The following PBX1 variants were observed in gnomAD, a reference collection of about 807,000 sequenced individuals.
PBX1 encodes the protein pre-B-cell leukemia transcription factor 1.
Under a neutral mutation model 53.4 loss-of-function variants are expected in PBX1, and 6 were observed. The observed-to-expected ratio is 0.11, with a 90% CI of 0.06 to 0.22. The LOEUF is 0.22. PBX1 is among the 10% of genes least tolerant of loss of function. The probability of loss-of-function intolerance (pLI) is 1.00; values close to 1 mark genes in which losing one functional copy is unlikely to be tolerated. For missense variants in PBX1, 251 were observed against 551.4 expected, an observed-to-expected ratio of 0.46 and a Z score of 5.46; for synonymous variants, 204 against 212.3, an observed-to-expected ratio of 0.96 and a Z score of 0.34.
intron 2 of PBX1, among the ~76,000 whole-genome samples, chr1:164,623,353 G>A (rs1304371954): frequency 1.3e-5 from 2 of 152,208 alleles, no homozygotes; most frequent in Admixed American, 6.5e-5. Context: ...AGGGCGTGGT[G>A]TGGGAATGGG....
At chr1:164,658,786 G>A (rs900609033) in intron 2 of PBX1, among the ~76,000 whole-genome samples, 2 of 152,204 alleles carry the variant, frequency 1.3e-5, no homozygotes, top group Admixed American at 1.3e-4. Flanking sequence ...GTGCATGCCA[G>A]ATACTGTTAT....
At chr1:164,753,820 G>A (rs1244431921) in intron 2 of PBX1, among the ~76,000 whole-genome samples, 1 of 152,106 alleles carries the variant, frequency 6.6e-6, no homozygotes, top group African/African-American at 2.4e-5. Flanking sequence ...TTTGGGCCCC[G>A]GCAGTTTCCC....
rs574505986 is a variant in PBX1, at chr1:164,824,481, A to G, written c.1200+2855A>G. 2.6e-5 allele frequency among the ~76,000 whole-genome samples: 4 copies of G among 152,312 alleles called. No individual in the cohort carries two copies. In the East Asian group the frequency reaches 7.7e-4, roughly 29 times the overall value. On this transcript the variant is annotated intron_variant, in intron 8 of 8. Transcript: ENST00000420696. ...GCAAAGCATAAATTATTCCACATGA[A>G]TGCAGTATGAAATTTTGTAAGTGAT... is the stretch of plus-strand genomic sequence containing the variant.
At chr1:164,838,514 C>T (rs1671149101) in intron 8 of PBX1, among the ~76,000 whole-genome samples, 2 of 152,180 alleles carry the variant, frequency 1.3e-5, no homozygotes, top group African/African-American at 4.8e-5. Context: ...CTGAAGAGCA[C>T]AAGTCACCTG....
chr1:164,859,733 C>T (rs2102440908), intron 2 of PBX1, among the ~76,000 whole-genome samples: 1 of 152,278 alleles, frequency 6.6e-6, no homozygotes, highest in Non-Finnish European at 1.5e-5. Flanking sequence ...TACTGGCCAC[C>T]TCCTATGTGC....
chr1:164,820,314 C>G (rs985185470), intron 7 of PBX1, 130 bp downstream of exon 7: 3 of 586,042 alleles, frequency 5.1e-6, no homozygotes, highest in Admixed American at 3.1e-5. Context: ...TACCAACGAC[C>G]GAACCAAAAT....
chr1:164,568,635 A>G (rs1271615274), intron 2 of PBX1, among the ~76,000 whole-genome samples: 2 of 152,258 alleles, frequency 1.3e-5, no homozygotes, highest in African/African-American at 4.8e-5. Flanking sequence ...TTTCTATAAT[A>G]AATTATCTCA....
intron 2 of PBX1, among the ~76,000 whole-genome samples, chr1:164,622,018 GAGGGTAT>G (rs1209129629): frequency 6.6e-6 from 1 of 152,172 alleles, no homozygotes; most frequent in African/African-American, 2.4e-5. Context: ...AGACAAGCTA[GAGGGTAT>G]AGGAAATACT....
chr1:164,881,372 G>A (rs1458833403), intron 2 of PBX1, among the ~76,000 whole-genome samples: 1 of 8,896 alleles, frequency 1.1e-4, no homozygotes, highest in African/African-American at 1.3e-4. Flanking sequence ...AGGAAAAGAA[G>A]GAAGGAAGGA....
intron 4 of PBX1, 34 bp downstream of exon 4, chr1:164,799,923 G>A (rs1668983827): frequency 1.3e-6 from 2 of 1,573,274 alleles, no homozygotes; most frequent in Non-Finnish European, 1.7e-6. Flanking sequence ...TGCCCTCTCT[G>A]GGAGTCCCTG....
intron 8 of PBX1, among the ~76,000 whole-genome samples, chr1:164,838,106 A>G (rs1455444456): frequency 6.6e-6 from 1 of 152,244 alleles, no homozygotes; most frequent in Non-Finnish European, 1.5e-5. Flanking sequence ...ATGGTGCTAC[A>G]GTTGATGGAA....
intron 2 of PBX1, among the ~76,000 whole-genome samples, chr1:164,575,752 T>C (rs1168894538): frequency 6.6e-6 from 1 of 152,152 alleles, no homozygotes; most frequent in Non-Finnish European, 1.5e-5. Flanking sequence ...CAATGCACCC[T>C]GCTTACATTA....
intron 2 of PBX1, among the ~76,000 whole-genome samples, chr1:164,638,253 G>A (rs867471068): frequency 2.0e-5 from 3 of 152,234 alleles, no homozygotes; most frequent in Admixed American, 6.5e-5. Context: ...TGGTCTGCTG[G>A]AAAATACAGA....
intron 2 of PBX1, among the ~76,000 whole-genome samples, chr1:164,584,367 G>A (rs1654818376): frequency 6.6e-6 from 1 of 150,872 alleles, no homozygotes; most frequent in Non-Finnish European, 1.5e-5. Flanking sequence ...GAGAGAAAGA[G>A]AGAGAGAGAG....
intron 2 of PBX1, among the ~76,000 whole-genome samples, chr1:164,714,402 A>G (rs1472824055): frequency 6.6e-6 from 1 of 152,194 alleles, no homozygotes; most frequent in Non-Finnish European, 1.5e-5. Context: ...AGTTATTCTT[A>G]CAGGGAGCAA....
At chr1:164,678,485 A>G (rs1462078338) in intron 2 of PBX1, among the ~76,000 whole-genome samples, 2 of 152,164 alleles carry the variant, frequency 1.3e-5, no homozygotes, top group Non-Finnish European at 2.9e-5. Context: ...TGCATTTTTG[A>G]TGAGCAGAGC....
At chr1:164,627,315 C>T (rs995196465) in intron 2 of PBX1, among the ~76,000 whole-genome samples, 1 of 152,124 alleles carries the variant, frequency 6.6e-6, no homozygotes, top group Non-Finnish European at 1.5e-5. Flanking sequence ...TTTAACACTT[C>T]ACAAAATGGA....
chr1:164,869,880 T>C (rs1160547477), intron 2 of PBX1, among the ~76,000 whole-genome samples: 1 of 152,104 alleles, frequency 6.6e-6, no homozygotes, highest in African/African-American at 2.4e-5. Flanking sequence ...AGGCAGAGTA[T>C]ACAGCACATT....
At chr1:164,582,778 CATG>C (rs1654706351) in intron 2 of PBX1, among the ~76,000 whole-genome samples, 1 of 152,126 alleles carries the variant, frequency 6.6e-6, no homozygotes, top group Admixed American at 6.6e-5. Flanking sequence ...CCCTCAACGA[CATG>C]ATAAAAAATT....
Sources: allele counts gnomAD v4.1 joint callset (sites outside exome capture counted in the v4.1 genomes callset), GRCh38; gene constraint gnomAD v4.1.1; transcripts MANE v1.5; gene names NCBI Gene and HGNC (gene_info 2026-07-23, HGNC 2026-07-21).